The following LRRTM4 variants were observed in gnomAD, a reference collection of about 807,000 sequenced individuals.
LRRTM4 encodes leucine rich repeat transmembrane neuronal 4.
LRRTM4 carries 25 observed loss-of-function variants against 47.6 expected under a neutral mutation model. That is an observed-to-expected ratio of 0.53 (90% CI 0.38 to 0.73). LRRTM4 has a LOEUF of 0.73. Among genes scored for constraint, LRRTM4 ranks in the 30% least tolerant of loss-of-function variants. LRRTM4 has a pLI of 0.00. For synonymous variants in LRRTM4, 311 were observed against 269.5 expected, an observed-to-expected ratio of 1.15 and a Z score of -1.51; for missense variants, 638 against 713.4, an observed-to-expected ratio of 0.89 and a Z score of 1.20.
intron 3 of LRRTM4, among the ~76,000 whole-genome samples, chr2:77,483,595 C>T (rs1677800538): frequency 6.6e-6 from 1 of 152,302 alleles, no homozygotes; most frequent in African/African-American, 2.4e-5. Context: ...CCCGTCTCGG[C>T]CTCCCAAAGT....
At chr2:77,304,865 A>G (rs1412173145) in intron 3 of LRRTM4, among the ~76,000 whole-genome samples, 1 of 152,082 alleles carries the variant, frequency 6.6e-6, no homozygotes, top group East Asian at 1.9e-4. Flanking sequence ...CCAAGGTTCA[A>G]GTGAATGCCT....
chr2:77,126,718 G>A (rs1163580921), intron 3 of LRRTM4, among the ~76,000 whole-genome samples: 1 of 152,114 alleles, frequency 6.6e-6, no homozygotes, highest in East Asian at 1.9e-4. Flanking sequence ...TATTAATGGA[G>A]TCCTAGGGGG....
At chr2:77,414,497 A>C (rs1674564506) in intron 3 of LRRTM4, among the ~76,000 whole-genome samples, 1 of 152,174 alleles carries the variant, frequency 6.6e-6, no homozygotes, top group African/African-American at 2.4e-5. Context: ...CCCTGTTCAT[A>C]CTTCTGTTTA....
intron 3 of LRRTM4, among the ~76,000 whole-genome samples, chr2:77,451,477 G>C (rs981908597): frequency 2.6e-5 from 4 of 152,078 alleles, no homozygotes; most frequent in Admixed American, 2.6e-4. Context: ...AATTAGATGT[G>C]GTACACTTCT....
At chr2:77,385,705 A>G (rs922761943) in intron 3 of LRRTM4, among the ~76,000 whole-genome samples, 1 of 150,568 alleles carries the variant, frequency 6.6e-6, no homozygotes, top group Non-Finnish European at 1.5e-5. Context: ...TTTCTAAAAA[A>G]TAAAAATATA....
intron 3 of LRRTM4, among the ~76,000 whole-genome samples, chr2:77,368,396 C>A (rs1478776270): frequency 6.6e-6 from 1 of 151,704 alleles, no homozygotes; most frequent in African/African-American, 2.4e-5. Flanking sequence ...TTTCCCTTGT[C>A]TTTGAGGTAC....
intron 3 of LRRTM4, among the ~76,000 whole-genome samples, chr2:77,391,209 T>C (rs775447529): frequency 1.2e-4 from 19 of 152,018 alleles, no homozygotes; most frequent in Non-Finnish European, 2.8e-4. Flanking sequence ...TCTTTATTGG[T>C]TGAAGATTTA....
chr2:77,163,352 T>A (rs1672785507), intron 3 of LRRTM4, among the ~76,000 whole-genome samples: 1 of 152,174 alleles, frequency 6.6e-6, no homozygotes. Flanking sequence ...TACGTCTGAT[T>A]GGTGTACCTG....
At position 77,308,521 on chromosome 2, in the gene LRRTM4, G is replaced by A. The variant is rs542501531; in HGVS notation, c.1551+209797C>T. On this transcript the variant is annotated intron_variant, in intron 3 of 3. Transcript: ENST00000409884. ...TTCCTCATGTGAGTTTTGTAGATAG[G>A]CATTTTTTTATCTTTATCATTTTAA... 7.9e-5 allele frequency among the ~76,000 whole-genome samples: 12 copies of A among 152,056 alleles called. No homozygotes were observed. In the South Asian group the frequency reaches 2.5e-3, roughly 32 times the overall value.
At chr2:76,826,218 A>G (rs1047613630) in intron 3 of LRRTM4, among the ~76,000 whole-genome samples, 2 of 151,730 alleles carry the variant, frequency 1.3e-5, no homozygotes, top group Admixed American at 6.6e-5. Context: ...ATCAAATACA[A>G]TTTTTAATGA....
chr2:77,316,198 A>G (rs1271604140), intron 3 of LRRTM4, among the ~76,000 whole-genome samples: 3 of 152,130 alleles, frequency 2.0e-5, no homozygotes, highest in Non-Finnish European at 4.4e-5. Flanking sequence ...CAATTTGTAA[A>G]TGGGAACTTT....
intron 3 of LRRTM4, among the ~76,000 whole-genome samples, chr2:77,302,505 T>C (rs1435268311): frequency 6.6e-6 from 1 of 152,150 alleles, no homozygotes. Flanking sequence ...TATCACAGGG[T>C]TGCAAGTAAA....
chr2:77,384,712 G>T (rs751048507), intron 3 of LRRTM4, among the ~76,000 whole-genome samples: 50 of 152,132 alleles, frequency 3.3e-4, no homozygotes, highest in South Asian at 1.2e-3. Flanking sequence ...CTGGCAAAAG[G>T]AAAAGGAATT....
At chr2:77,496,756 T>C (rs1042853507) in intron 3 of LRRTM4, among the ~76,000 whole-genome samples, 4 of 151,742 alleles carry the variant, frequency 2.6e-5, no homozygotes, top group Non-Finnish European at 5.9e-5. Flanking sequence ...GTTTCTTGTA[T>C]TTTGTCTGCT....
intron 3 of LRRTM4, among the ~76,000 whole-genome samples, chr2:76,882,940 A>G (rs940260228): frequency 6.6e-6 from 1 of 152,004 alleles, no homozygotes; most frequent in African/African-American, 2.4e-5. Flanking sequence ...ATTGTTTGCT[A>G]CAGCCATTTA....
intron 3 of LRRTM4, among the ~76,000 whole-genome samples, chr2:76,976,872 T>C (rs1242573104): frequency 6.6e-6 from 1 of 151,832 alleles, no homozygotes; most frequent in East Asian, 1.9e-4. Flanking sequence ...ACAATAAATG[T>C]TCTATGTGAT....
intron 3 of LRRTM4, among the ~76,000 whole-genome samples, chr2:77,198,114 A>G (rs1183266019): frequency 6.6e-6 from 1 of 152,168 alleles, no homozygotes; most frequent in Non-Finnish European, 1.5e-5. Context: ...TCTTCATGCA[A>G]CTTCTGCACT....
intron 3 of LRRTM4, among the ~76,000 whole-genome samples, chr2:76,904,353 T>C (rs1286099427): frequency 3.9e-5 from 6 of 152,214 alleles, no homozygotes. Flanking sequence ...AGATTGTTAT[T>C]CGAGGAAGAA....
intron 3 of LRRTM4, among the ~76,000 whole-genome samples, chr2:76,972,384 G>A (rs1037880652): frequency 5.3e-5 from 8 of 150,418 alleles, no homozygotes; most frequent in South Asian, 4.2e-4. Flanking sequence ...GTATATCATC[G>A]GTAGTCCATT....
Sources: allele counts gnomAD v4.1 joint callset (sites outside exome capture counted in the v4.1 genomes callset), GRCh38; gene constraint gnomAD v4.1.1; transcripts MANE v1.5; gene names NCBI Gene and HGNC (gene_info 2026-07-23, HGNC 2026-07-21).